The following MND1 variants were observed in gnomAD, a reference collection of about 807,000 sequenced individuals.
MND1 encodes meiotic nuclear divisions 1.
In MND1, 28 loss-of-function variants were observed where a neutral mutation model predicts 35.1. The observed-to-expected ratio is 0.80, with a 90% CI of 0.59 to 1.09. The LOEUF (loss-of-function observed/expected upper bound fraction) is 1.09, where lower values mean the gene tolerates loss of function less well. Ranked by LOEUF, MND1 falls within the 50% of genes least tolerant of loss-of-function variation. The probability of loss-of-function intolerance (pLI) is 0.00; values close to 1 mark genes in which losing one functional copy is unlikely to be tolerated. For missense variants in MND1, 213 were observed against 239.6 expected (o/e 0.89, Z 0.73); for synonymous variants, 69 against 70.5 (o/e 0.98, Z 0.11).
intron 6 of MND1, among the ~76,000 whole-genome samples, chr4:153,398,008 ATTATC>A (rs1375360816): frequency 6.6e-6 from 1 of 152,222 alleles, no homozygotes; most frequent in African/African-American, 2.4e-5. Flanking sequence ...GAAATCCATC[ATTATC>A]TTCTAGGAAA....
chr4:153,353,328 A>G (rs1773259460), intron 2 of MND1, among the ~76,000 whole-genome samples: 1 of 148,684 alleles, frequency 6.7e-6, no homozygotes, highest in Non-Finnish European at 1.5e-5. Flanking sequence ...TACAGCAAAG[A>G]TGAGTTTTTC....
At position 153,368,040 on chromosome 4, in the gene MND1, A is replaced by ATT. The variant is rs1470532960; in HGVS notation, c.276+9422_276+9423dup. On this transcript the variant is annotated intron_variant, in intron 4 of 7. Coordinates refer to ENST00000240488, the MANE Select transcript of MND1 (RefSeq NM_032117.4). ...TCTCTTCTCTTAAACGTGATGCTGT[A>ATT]TTTTTCTTTCCTGCTAGGAAACAAC... Among the ~76,000 whole-genome samples the ATT allele has an allele frequency of 4.6e-5, 7 of 152,186 alleles. No individual in the cohort carries two copies. The East Asian group carries it at 1.2e-3, about 25-fold the overall frequency.
intron 7 of MND1, among the ~76,000 whole-genome samples, chr4:153,411,055 A>T (rs961141520): frequency 6.6e-6 from 1 of 152,240 alleles, no homozygotes. Context: ...ACAATTCAGT[A>T]TCTCAGTTCT....
intron 5 of MND1, among the ~76,000 whole-genome samples, chr4:153,395,225 T>C (rs910613497): frequency 6.6e-6 from 1 of 152,276 alleles, no homozygotes; most frequent in Non-Finnish European, 1.5e-5. Flanking sequence ...GAAGCTGTTC[T>C]ATTTCCTCTT....
intron 4 of MND1, among the ~76,000 whole-genome samples, chr4:153,374,864 T>TG (rs2149642407): frequency 6.6e-6 from 1 of 152,304 alleles, no homozygotes; most frequent in East Asian, 1.9e-4. Flanking sequence ...AACCAGCAAC[T>TG]GCTCATTGGC....
intron 7 of MND1, among the ~76,000 whole-genome samples, chr4:153,413,762 C>T (rs952523779): frequency 1.3e-5 from 2 of 151,676 alleles, no homozygotes; most frequent in South Asian, 2.1e-4. Context: ...CACACTGTCA[C>T]GGTCCTGCCT....
intron 7 of MND1, among the ~76,000 whole-genome samples, chr4:153,410,717 G>A (rs188849073): frequency 5.3e-5 from 8 of 152,302 alleles, no homozygotes; most frequent in Admixed American, 2.6e-4. Context: ...CTGGCCGGGC[G>A]TGGTGGCTCA....
chr4:153,361,193 A>G (rs1773482088), intron 4 of MND1, among the ~76,000 whole-genome samples: 1 of 152,244 alleles, frequency 6.6e-6, no homozygotes, highest in Non-Finnish European at 1.5e-5. Context: ...ACTGAAGGAC[A>G]TCCTTTAGTA....
intron 4 of MND1, among the ~76,000 whole-genome samples, chr4:153,366,382 T>C (rs1773638438): frequency 6.6e-6 from 1 of 152,188 alleles, no homozygotes; most frequent in Non-Finnish European, 1.5e-5. Flanking sequence ...GTGGATGAAT[T>C]TTTTAAAAAT....
At chr4:153,366,284 G>C (rs1037624933) in intron 4 of MND1, among the ~76,000 whole-genome samples, 2 of 152,206 alleles carry the variant, frequency 1.3e-5, no homozygotes, top group Admixed American at 6.5e-5. Context: ...CATCTGCAAA[G>C]TCTTTGCCAC....
At chr4:153,403,689 C>T (rs768424278) in intron 6 of MND1, among the ~76,000 whole-genome samples, 32 of 152,000 alleles carry the variant, frequency 2.1e-4, no homozygotes, top group Non-Finnish European at 3.8e-4. Context: ...CTCTGCTTCC[C>T]GGCCGGGTTC....
At chr4:153,399,791 C>T (rs1294650655) in intron 6 of MND1, among the ~76,000 whole-genome samples, 1 of 151,800 alleles carries the variant, frequency 6.6e-6, no homozygotes, top group African/African-American at 2.4e-5. Flanking sequence ...ATTTCCCAAC[C>T]CAAGGAAAAC....
intron 1 of MND1, among the ~76,000 whole-genome samples, chr4:153,347,594 G>A (rs765247114): frequency 3.5e-4 from 53 of 152,094 alleles, no homozygotes; most frequent in Non-Finnish European, 6.3e-4. Flanking sequence ...GTGCTGATAC[G>A]GACAAGTAAA....
chr4:153,413,687 G>GA lies in MND1; in HGVS notation c.512-1051dup, dbSNP rs35958362. Among the ~76,000 whole-genome samples, 946 of 139,232 alleles carry GA rather than the reference G, an allele frequency of 6.8e-3. 27 individuals are homozygous for GA. The highest frequency in any genetic ancestry group is 0.054 in the Admixed American group (751 of 13,950). 91.3% of individuals were successfully genotyped at this position (139,232 alleles called of 152,430 possible). A position where few individuals can be genotyped will look rare whatever the true frequency, so the allele number is the denominator to read the frequency against. ...ACAAAGCAAGATCCTGTCTCAAGGGGAAAAAAAAAAAAAGGAAAAAAAATC... is the reference window on the plus strand; with the variant it reads ...ACAAAGCAAGATCCTGTCTCAAGGGGAAAAAAAAAAAAAAGGAAAAAAAATC... On this transcript the variant is annotated intron_variant, in intron 7 of 7. Transcript: ENST00000240488.
chr4:153,381,710 T>A (rs1411068408), intron 4 of MND1: 39 of 75,522 alleles, frequency 5.2e-4, no homozygotes, highest in African/African-American at 1.8e-3. Context: ...TTTTTTTTTT[T>A]TTTTTTTTTT....
At chr4:153,373,288 A>C (rs1236278974) in intron 4 of MND1, among the ~76,000 whole-genome samples, 1 of 152,162 alleles carries the variant, frequency 6.6e-6, no homozygotes, top group Non-Finnish European at 1.5e-5. Flanking sequence ...ACAAATAATT[A>C]TTGAGCCTCA....
intron 7 of MND1, among the ~76,000 whole-genome samples, chr4:153,410,184 G>C (rs1729642251): frequency 6.6e-6 from 1 of 152,114 alleles, no homozygotes; most frequent in Non-Finnish European, 1.5e-5. Flanking sequence ...TGGACACGTA[G>C]ATAAATACTC....
intron 6 of MND1, among the ~76,000 whole-genome samples, chr4:153,404,538 G>A (rs1180701559): frequency 6.7e-6 from 1 of 150,102 alleles, no homozygotes; most frequent in Admixed American, 6.7e-5. Context: ...GCAGTGGTGC[G>A]ATCTCGGCTC....
rs138333332 is a variant in MND1, at chr4:153,407,762, A to G, written c.467-1209A>G. Among the ~76,000 whole-genome samples, 39 of 152,320 alleles carry G rather than the reference A, an allele frequency of 2.6e-4. No individual in the cohort carries two copies. In the East Asian group the frequency reaches 7.3e-3, roughly 29 times the overall value. ...AACATTGTGTTAAGTGAGAGAGGCC[A>G]GACCTAAAAGACCACATATCGTATG... On this transcript the variant is annotated intron_variant, in intron 6 of 7. Coordinates refer to ENST00000240488, the MANE Select transcript of MND1 (RefSeq NM_032117.4).
Sources: allele counts gnomAD v4.1 joint callset (sites outside exome capture counted in the v4.1 genomes callset), GRCh38; gene constraint gnomAD v4.1.1; transcripts MANE v1.5; gene names NCBI Gene and HGNC (gene_info 2026-07-23, HGNC 2026-07-21).